IL23R: variants seen among roughly 807,000 people sequenced by gnomAD.
IL23R encodes the protein interleukin-23 receptor.
In IL23R, 34 loss-of-function variants were observed where a neutral mutation model predicts 56.9. That is an observed-to-expected ratio of 0.60 (90% CI 0.45 to 0.80). The LOEUF (loss-of-function observed/expected upper bound fraction) is 0.80, where lower values mean the gene tolerates loss of function less well. IL23R is among the 30% of genes least tolerant of loss of function. The probability of loss-of-function intolerance (pLI) is 0.00; values close to 1 mark genes in which losing one functional copy is unlikely to be tolerated. For synonymous variants in IL23R, 230 were observed against 249.2 expected (o/e 0.92, Z 0.73); for missense variants, 635 against 730.0 (o/e 0.87, Z 1.50).
intron 6 of IL23R, among the ~76,000 whole-genome samples, chr1:67,213,085 G>A (rs1649605605): frequency 6.6e-6 from 1 of 152,036 alleles, no homozygotes; most frequent in African/African-American, 2.4e-5. Flanking sequence ...CGTTGGCCAG[G>A]CTGATCCCAA....
intron 1 of IL23R, among the ~76,000 whole-genome samples, chr1:67,149,784 A>T (rs1250053423): frequency 6.6e-6 from 1 of 152,156 alleles, no homozygotes; most frequent in Non-Finnish European, 1.5e-5. Context: ...CTAGTTTTTT[A>T]AAGTTCAGAG....
intron 8 of IL23R, among the ~76,000 whole-genome samples, chr1:67,237,645 C>T (rs1651572324): frequency 6.6e-6 from 1 of 152,098 alleles, no homozygotes; most frequent in Admixed American, 6.5e-5. Context: ...GTTAGCATGA[C>T]TATTATCGTA....
intron 7 of IL23R, among the ~76,000 whole-genome samples, chr1:67,222,702 G>A (rs973161681): frequency 2.0e-4 from 31 of 152,110 alleles, no homozygotes; most frequent in Admixed American, 9.8e-4. Context: ...TTACAAAAGC[G>A]GAAACTGGGC....
intron 5 of IL23R, among the ~76,000 whole-genome samples, chr1:67,203,232 A>G (rs1648761985): frequency 6.6e-6 from 1 of 152,192 alleles, no homozygotes; most frequent in South Asian, 2.1e-4. Context: ...GGAAACAACC[A>G]TACATGATAC....
intron 1 of IL23R, among the ~76,000 whole-genome samples, chr1:67,142,849 T>C (rs1016439466): frequency 3.3e-5 from 5 of 152,258 alleles, no homozygotes; most frequent in African/African-American, 1.2e-4. Flanking sequence ...ATTATAGGCA[T>C]GAGCCACTGT....
intron 1 of IL23R, among the ~76,000 whole-genome samples, chr1:67,150,871 T>TTTG (rs1646722802): frequency 1.3e-5 from 2 of 152,192 alleles, no homozygotes; most frequent in East Asian, 3.8e-4. Flanking sequence ...GTATTTGGGT[T>TTTG]GGTTCCATGT....
At chr1:67,178,910 G>A (rs987873204) in intron 3 of IL23R, among the ~76,000 whole-genome samples, 2 of 152,188 alleles carry the variant, frequency 1.3e-5, no homozygotes, top group Admixed American at 6.5e-5. Context: ...TTGATATGCT[G>A]GATTACGTTT....
At chr1:67,141,777 C>T (rs1646640041) in intron 1 of IL23R, among the ~76,000 whole-genome samples, 1 of 151,716 alleles carries the variant, frequency 6.6e-6, no homozygotes, top group Admixed American at 6.6e-5. Flanking sequence ...TCAGAGAGAC[C>T]GTGGGATTGA....
At chr1:67,168,606 T>C (rs937155721) in intron 2 of IL23R, among the ~76,000 whole-genome samples, 1 of 152,230 alleles carries the variant, frequency 6.6e-6, no homozygotes, top group Non-Finnish European at 1.5e-5. Context: ...TATGATTTTA[T>C]TCATTATATT....
At chr1:67,223,911 G>T (rs1650451839) in intron 7 of IL23R, among the ~76,000 whole-genome samples, 1 of 151,522 alleles carries the variant, frequency 6.6e-6, no homozygotes, top group South Asian at 2.1e-4. Flanking sequence ...TTCTAAAGAA[G>T]AATTATTGCA....
intron 9 of IL23R, among the ~76,000 whole-genome samples, chr1:67,244,335 T>G (rs948540653): frequency 1.3e-5 from 2 of 152,220 alleles, no homozygotes; most frequent in African/African-American, 4.8e-5. Flanking sequence ...ATTTGTCAAT[T>G]TTGGCTTTTG....
chr1:67,259,251 T>A lies in IL23R; in HGVS notation c.*123T>A. 1 of 916,768 alleles carries A rather than the reference T, an allele frequency of 1.1e-6. No homozygotes were observed. Among genetic ancestry groups the A allele is most frequent in the Admixed American group, 2.0e-5 (1 of 49,688 alleles). The allele number at this position is 916,768 out of a possible 1,614,324, so 56.8% of individuals were successfully genotyped here. A position where few individuals can be genotyped will look rare whatever the true frequency, so the allele number is the denominator to read the frequency against. On this transcript the variant is annotated 3_prime_UTR_variant, in exon 11 of 11. Coordinates refer to ENST00000347310, the MANE Select transcript of IL23R (RefSeq NM_144701.3). ...ATGTATTCACATACAAATCTTCACATGGACACATGTTTTCATTTCCCTTGG... is the reference window on the plus strand; with the variant it reads ...ATGTATTCACATACAAATCTTCACAAGGACACATGTTTTCATTTCCCTTGG...
chr1:67,257,892 C>A (rs1457830363), intron 10 of IL23R, among the ~76,000 whole-genome samples: 1 of 151,946 alleles, frequency 6.6e-6, no homozygotes, highest in Non-Finnish European at 1.5e-5. Flanking sequence ...TTAGTAGAGA[C>A]AGGGTTTCAC....
intron 7 of IL23R, among the ~76,000 whole-genome samples, chr1:67,227,658 C>T (rs146093845): frequency 6.6e-6 from 1 of 152,272 alleles, no homozygotes; most frequent in East Asian, 1.9e-4. Flanking sequence ...TAGATGATGG[C>T]ACACAGAATG....
chr1:67,223,453 T>C (rs1012491727), intron 7 of IL23R, among the ~76,000 whole-genome samples: 4 of 152,188 alleles, frequency 2.6e-5, no homozygotes, highest in African/African-American at 9.6e-5. Flanking sequence ...AGAGAAACCA[T>C]AGACTGTTCT....
At chr1:67,196,873 G>A (rs756605723) in intron 4 of IL23R, among the ~76,000 whole-genome samples, 2 of 152,240 alleles carry the variant, frequency 1.3e-5, no homozygotes, top group African/African-American at 2.4e-5. Context: ...TGGACCGCAT[G>A]CCTTTGACAA....
intron 8 of IL23R, among the ~76,000 whole-genome samples, chr1:67,237,571 C>A (rs1487059937): frequency 6.6e-6 from 1 of 152,182 alleles, no homozygotes; most frequent in Non-Finnish European, 1.5e-5. Context: ...AATTCAAATC[C>A]TTTTCTTTCA....
At position 67,222,102 on chromosome 1, in the gene IL23R, C is replaced by CTT. The variant is rs72241835; in HGVS notation, c.955+2399_955+2400dup. Among the ~76,000 whole-genome samples, 171 of 58,872 alleles carry CTT rather than the reference C, an allele frequency of 2.9e-3. 6 individuals carry two copies. The highest frequency in any genetic ancestry group is 9.4e-3 in the African/African-American group (150 of 15,882). 38.6% of individuals were successfully genotyped at this position (58,872 alleles called of 152,430 possible). A position where few individuals can be genotyped will look rare whatever the true frequency, so the allele number is the denominator to read the frequency against. On this transcript the variant is annotated intron_variant, in intron 7 of 10. Transcript: ENST00000347310. ...TCCTTTTCTCTTTCTTTCTTTCTTT[C>CTT]TTTTTTTTTTTTTTTTTTTTTTTTT...
At chr1:67,165,401 A>C (rs943080893), upstream of IL23R, among the ~76,000 whole-genome samples, 15 of 152,202 alleles carry the variant, frequency 9.9e-5, no homozygotes, top group Non-Finnish European at 2.2e-4. Context: ...GTGTGAAATA[A>C]AAACAATTTT....
Sources: allele counts gnomAD v4.1 joint callset (sites outside exome capture counted in the v4.1 genomes callset), GRCh38; gene constraint gnomAD v4.1.1; transcripts MANE v1.5; gene names NCBI Gene and HGNC (gene_info 2026-07-23, HGNC 2026-07-21).